The following C4orf51 variants were observed in gnomAD, a reference collection of about 807,000 sequenced individuals.
C4orf51 encodes the protein chromosome 4 open reading frame 51.
A neutral mutation model predicts 25.2 loss-of-function variants in C4orf51; 25 were observed. The ratio of observed to expected loss-of-function variants is 0.99; its 90% CI spans 0.72 to 1.39. The LOEUF (loss-of-function observed/expected upper bound fraction) is 1.39, where lower values mean the gene tolerates loss of function less well. Among genes scored for constraint, C4orf51 ranks in the 40% most tolerant of loss-of-function variants. C4orf51 has a pLI of 0.00. For synonymous variants in C4orf51, 100 were observed against 84.5 expected (o/e 1.18, Z -1.01); for missense variants, 252 against 239.6 (o/e 1.05, Z -0.34).
chr4:145,781,565 G>A, the C4orf51 span, among the ~76,000 whole-genome samples: 2 of 152,146 alleles, frequency 1.3e-5, no homozygotes, highest in Non-Finnish European at 1.5e-5. Context: ...TCAGGAAGAA[G>A]GGTTGCTCTT....
intron 2 of C4orf51, among the ~76,000 whole-genome samples, chr4:145,717,826 C>A (rs116769806): frequency 0.012 from 1,757 of 152,246 alleles, 15 homozygotes; most frequent in Non-Finnish European, 0.018. Flanking sequence ...CTTTTCTGAC[C>A]TGATTCCCTT....
intron 2 of C4orf51, among the ~76,000 whole-genome samples, chr4:145,714,892 C>T (rs1017783060): frequency 6.6e-6 from 1 of 152,184 alleles, no homozygotes; most frequent in African/African-American, 2.4e-5. Flanking sequence ...CCTCTTGCTC[C>T]CTCTTTGGAG....
chr4:145,791,654 AG>A, the C4orf51 span, among the ~76,000 whole-genome samples: 1 of 152,208 alleles, frequency 6.6e-6, no homozygotes, highest in Non-Finnish European at 1.5e-5. Context: ...TTAATGGTTA[AG>A]AAAACTTTGG....
intron 1 of C4orf51, among the ~76,000 whole-genome samples, chr4:145,746,238 A>G (rs1560865055): frequency 6.6e-6 from 1 of 152,042 alleles, no homozygotes; most frequent in African/African-American, 2.4e-5. Context: ...CCATTTGCCC[A>G]TATTTGTTTT....
intron 1 of C4orf51, among the ~76,000 whole-genome samples, chr4:145,746,652 C>G (rs1250037233): frequency 6.6e-6 from 1 of 151,992 alleles, no homozygotes; most frequent in Non-Finnish European, 1.5e-5. Context: ...AATGTAATTC[C>G]TCTAGTTTTG....
At chr4:145,766,093 C>A (rs1735252418) in intron 1 of C4orf51, among the ~76,000 whole-genome samples, 1 of 152,178 alleles carries the variant, frequency 6.6e-6, no homozygotes, top group Non-Finnish European at 1.5e-5. Flanking sequence ...CTGTGTGGCA[C>A]AACTGTTATC....
chr4:145,724,770 G>A (rs2126757676), intron 2 of C4orf51, among the ~76,000 whole-genome samples: 1 of 150,504 alleles, frequency 6.6e-6, no homozygotes, highest in African/African-American at 2.5e-5. Context: ...TGTAGTCCCA[G>A]CTACTTGAGA....
rs1734586755 is a variant in C4orf51 at position 145,761,967 on chromosome 4, G to C, written n.167-9021G>C. The stretch of plus-strand genomic sequence containing the variant: ...AGCCCTCCCCACTCCCGACCAGACA[G>C]CGCAGAGGTCTAAACCTCCTGACCT... On this transcript the variant is annotated intron_variant and non_coding_transcript_variant, in intron 1 of 1. Transcript: ENST00000510096. The surrounding 1 kb of genome is among the most constrained non-coding windows in gnomAD (Gnocchi z 6.8). Among the ~76,000 whole-genome samples the C allele has an allele frequency of 1.3e-5, 2 of 151,920 alleles. No homozygotes were observed. Among genetic ancestry groups the C allele is most frequent in the Admixed American group, 6.5e-5 (1 of 15,270 alleles).
At chr4:145,712,481 A>G (rs1420955886) in intron 2 of C4orf51, among the ~76,000 whole-genome samples, 2 of 152,252 alleles carry the variant, frequency 1.3e-5, no homozygotes, top group African/African-American at 4.8e-5. Flanking sequence ...ATAAAAGATC[A>G]AAGCAGCCAC....
chr4:145,722,129 G>T (rs1731774290), intron 2 of C4orf51, among the ~76,000 whole-genome samples: 1 of 152,074 alleles, frequency 6.6e-6, no homozygotes, highest in Non-Finnish European at 1.5e-5. Flanking sequence ...TGTTCCCAAA[G>T]AATAAAGAAT....
chr4:145,719,089 G>A (rs142656489), intron 2 of C4orf51, among the ~76,000 whole-genome samples: 3 of 152,212 alleles, frequency 2.0e-5, no homozygotes, highest in Admixed American at 6.5e-5. Flanking sequence ...TTATGAGGGA[G>A]GAACTTGTCT....
chr4:145,756,015 CTT>C (rs1179423438), downstream of C4orf51, among the ~76,000 whole-genome samples: 1 of 152,236 alleles, frequency 6.6e-6, no homozygotes, highest in African/African-American at 2.4e-5. Context: ...CTAAGCACCT[CTT>C]GGCTCTCCTT....
At chr4:145,745,320 A>ATTTTTC (rs1733312144) in intron 1 of C4orf51, among the ~76,000 whole-genome samples, 1 of 135,326 alleles carries the variant, frequency 7.4e-6, no homozygotes. Flanking sequence ...TTATTCATTC[A>ATTTTTC]TTTTTTTTTT....
intron 1 of C4orf51, among the ~76,000 whole-genome samples, chr4:145,694,022 T>C (rs1305488832): frequency 3.0e-5 from 3 of 101,234 alleles, no homozygotes; most frequent in African/African-American, 7.9e-5. Context: ...TCCTCACTTC[T>C]CAGACGGGGC....
intron 1 of C4orf51, among the ~76,000 whole-genome samples, chr4:145,683,418 G>A (rs976874824): frequency 6.6e-6 from 1 of 152,106 alleles, no homozygotes; most frequent in African/African-American, 2.4e-5. Flanking sequence ...AAGTTTATAT[G>A]GAGAGGCAAA....
chr4:145,731,174 G>A (rs1322721463), intron 5 of C4orf51, among the ~76,000 whole-genome samples: 4 of 152,192 alleles, frequency 2.6e-5, no homozygotes, highest in Non-Finnish European at 5.9e-5. Flanking sequence ...CCTCTTGGGA[G>A]TTGCTTGGGA....
At chr4:145,766,040 T>G (rs1419180425) in intron 1 of C4orf51, among the ~76,000 whole-genome samples, 1 of 152,254 alleles carries the variant, frequency 6.6e-6, no homozygotes, top group African/African-American at 2.4e-5. Context: ...TTCCAGGAAC[T>G]GTATTATACT....
chr4:145,741,464 A>G (rs1478750104), intron 1 of C4orf51, among the ~76,000 whole-genome samples: 1 of 152,060 alleles, frequency 6.6e-6, no homozygotes, highest in Non-Finnish European at 1.5e-5. Flanking sequence ...GGGCAGCAAT[A>G]GTAGGGATGG....
chr4:145,749,155 T>C (rs1733542198), intron 1 of C4orf51, among the ~76,000 whole-genome samples: 1 of 151,264 alleles, frequency 6.6e-6, no homozygotes, highest in Non-Finnish European at 1.5e-5. Context: ...AGTGACCCTC[T>C]TTGTCTCTTC....
Sources: allele counts gnomAD v4.1 joint callset (sites outside exome capture counted in the v4.1 genomes callset), GRCh38; gene constraint gnomAD v4.1.1; non-coding constraint Gnocchi (gnomAD v3.1); transcripts MANE v1.5; gene names NCBI Gene and HGNC (gene_info 2026-07-23, HGNC 2026-07-21).